Variants in NBAS observed in about 807,000 individuals in gnomAD.
NBAS encodes the protein NAG/BC035112 fusion.
NBAS carries 219 observed loss-of-function variants against 302.5 expected under a neutral mutation model. The observed-to-expected ratio is 0.72, with a 90% CI of 0.65 to 0.81. The LOEUF (loss-of-function observed/expected upper bound fraction) is 0.81. NBAS is among the 30% of genes least tolerant of loss of function. The probability of loss-of-function intolerance (pLI) is 0.00; values close to 1 mark genes in which losing one functional copy is unlikely to be tolerated. For synonymous variants in NBAS, 1,118 were observed against 1,021.6 expected, an observed-to-expected ratio of 1.09 and a Z score of -1.80; for missense variants, 2,932 against 2,841.6, an observed-to-expected ratio of 1.03 and a Z score of -0.72.
chr2:14,810,647 C>T, the NBAS span, among the ~76,000 whole-genome samples: 3 of 152,104 alleles, frequency 2.0e-5, no homozygotes, highest in Non-Finnish European at 2.9e-5. Flanking sequence ...GTTAGTTGTA[C>T]TATTAGGGAA....
At chr2:14,837,537 T>C in the NBAS span, among the ~76,000 whole-genome samples, 2 of 150,994 alleles carry the variant, frequency 1.3e-5, no homozygotes, top group Non-Finnish European at 3.0e-5. Context: ...GAGGAGCCAC[T>C]TGAGCCTGAA....
At chr2:15,327,514 G>A (rs1467988498) in intron 38 of NBAS, among the ~76,000 whole-genome samples, 2 of 152,164 alleles carry the variant, frequency 1.3e-5, no homozygotes, top group East Asian at 3.8e-4. Context: ...AGATAGGAAT[G>A]ATATTCATCC....
At position 15,554,280 on chromosome 2, in the gene NBAS, C is replaced by T. The variant is rs527604830; in HGVS notation, c.210-142G>A. On this transcript the variant is annotated intron_variant, in intron 3 of 51. Transcript: ENST00000281513. Reference sequence around the variant, plus strand: ...AATTTGAATATTAGCAAACCCAAAACCCAAAGTTACTATTTGGTAGCTGAA... The same window carrying T: ...AATTTGAATATTAGCAAACCCAAAATCCAAAGTTACTATTTGGTAGCTGAA... The T allele has an allele frequency of 6.5e-5, 48 of 736,308 alleles. No individual in the cohort carries two copies. In the East Asian group the frequency reaches 1.1e-3, roughly 17 times the overall value. 45.6% of individuals were successfully genotyped at this position (736,308 alleles called of 1,614,324 possible). A position where few individuals can be genotyped will look rare whatever the true frequency, so the allele number is the denominator to read the frequency against.
At chr2:14,867,037 C>T in the NBAS span, among the ~76,000 whole-genome samples, 3 of 152,086 alleles carry the variant, frequency 2.0e-5, no homozygotes, top group African/African-American at 7.2e-5. Flanking sequence ...TCTTGCATGG[C>T]TTATAAGCTA....
At chr2:15,144,823 A>G in the NBAS span, among the ~76,000 whole-genome samples, 4 of 152,334 alleles carry the variant, frequency 2.6e-5, no homozygotes, top group South Asian at 8.3e-4. Context: ...GTTTTAGCAC[A>G]TGCATGTTTT....
At chr2:14,990,017 G>A in the NBAS span, among the ~76,000 whole-genome samples, 1 of 152,000 alleles carries the variant, frequency 6.6e-6, no homozygotes. Context: ...TTATATTTGG[G>A]TAACAAGATT....
At chr2:15,557,141 TA>T (rs1480412741) in intron 2 of NBAS, among the ~76,000 whole-genome samples, 2 of 152,174 alleles carry the variant, frequency 1.3e-5, no homozygotes, top group African/African-American at 2.4e-5. Flanking sequence ...GAAGTTATAA[TA>T]ATCACCCCTT....
intron 21 of NBAS, among the ~76,000 whole-genome samples, chr2:15,456,568 T>G (rs554159868): frequency 2.5e-4 from 38 of 152,316 alleles, no homozygotes; most frequent in Middle Eastern, 3.4e-3. Flanking sequence ...TTATGGATCT[T>G]ACATTCACTC....
intron 48 of NBAS, among the ~76,000 whole-genome samples, chr2:15,201,731 G>A (rs919665088): frequency 6.6e-6 from 1 of 152,136 alleles, no homozygotes; most frequent in African/African-American, 2.4e-5. Context: ...TTAAAAGTAA[G>A]GGTGCTATTT....
chr2:15,553,639 A>T (rs548509145), intron 4 of NBAS, among the ~76,000 whole-genome samples, 166 bp from the exon 5 acceptor site: 1 of 152,278 alleles, frequency 6.6e-6, no homozygotes, highest in Admixed American at 6.5e-5. Flanking sequence ...ACAGGTACAA[A>T]AGCACACAAA....
chr2:14,934,274 A>G, the NBAS span, among the ~76,000 whole-genome samples: 1 of 152,130 alleles, frequency 6.6e-6, no homozygotes, highest in African/African-American at 2.4e-5. Context: ...ATAATTAAAA[A>G]CCTATTTTTT....
the NBAS span, among the ~76,000 whole-genome samples, chr2:15,057,274 G>A: frequency 1.4e-5 from 2 of 142,928 alleles, no homozygotes; most frequent in Non-Finnish European, 3.0e-5. Context: ...AACAATTGTG[G>A]CTTCATTGCA....
chr2:15,014,340 T>C, the NBAS span, among the ~76,000 whole-genome samples: 2 of 152,160 alleles, frequency 1.3e-5, no homozygotes, highest in African/African-American at 4.8e-5. Context: ...CTGCATAATA[T>C]ACATTCTTTT....
intron 38 of NBAS, among the ~76,000 whole-genome samples, chr2:15,325,106 T>C (rs186600799): frequency 1.4e-3 from 218 of 152,334 alleles, no homozygotes; most frequent in African/African-American, 5.1e-3. Context: ...CCTTTAACTA[T>C]GTGCTTCCAT....
At chr2:15,096,627 C>T in the NBAS span, among the ~76,000 whole-genome samples, 3 of 152,310 alleles carry the variant, frequency 2.0e-5, no homozygotes, top group African/African-American at 7.2e-5. Flanking sequence ...AGGCTGTTCT[C>T]CTGCCACCCA....
At chr2:14,807,810 A>C in the NBAS span, among the ~76,000 whole-genome samples, 3 of 152,324 alleles carry the variant, frequency 2.0e-5, no homozygotes, top group South Asian at 6.2e-4. Flanking sequence ...AAATTAAGAT[A>C]GTAACAAACG....
chr2:15,499,233 T>G (rs181980392), intron 11 of NBAS, among the ~76,000 whole-genome samples: 60 of 152,316 alleles, frequency 3.9e-4, no homozygotes, highest in Non-Finnish European at 6.6e-4. Flanking sequence ...CAGCCTCAGG[T>G]AGTTCTTATA....
the NBAS span, among the ~76,000 whole-genome samples, chr2:14,841,974 A>C: frequency 9.9e-5 from 15 of 152,008 alleles, no homozygotes; most frequent in Admixed American, 6.6e-5. Flanking sequence ...CAAAAAAAAT[A>C]AAATATCAAG....
intron 48 of NBAS, among the ~76,000 whole-genome samples, chr2:15,202,920 T>C (rs1328894293): frequency 6.6e-6 from 1 of 152,210 alleles, no homozygotes; most frequent in Non-Finnish European, 1.5e-5. Flanking sequence ...TTTAATAGAA[T>C]AATTCATACA....
Sources: allele counts gnomAD v4.1 joint callset (sites outside exome capture counted in the v4.1 genomes callset), GRCh38; gene constraint gnomAD v4.1.1; transcripts MANE v1.5; gene names NCBI Gene and HGNC (gene_info 2026-07-23, HGNC 2026-07-21).